MCTP2: variants seen among roughly 807,000 people sequenced by gnomAD.
MCTP2 encodes the protein multiple C2 and transmembrane domain containing 2.
In MCTP2, 132 loss-of-function variants were observed where a neutral mutation model predicts 111.6. The observed-to-expected ratio is 1.18, with a 90% CI of 1.03 to 1.37. The LOEUF is 1.37. MCTP2 is among the 40% of genes most tolerant of loss of function. The pLI is 0.00. For missense variants in MCTP2, 1,183 were observed against 1,067.9 expected (o/e 1.11, Z -1.50); for synonymous variants, 395 against 387.7 (o/e 1.02, Z -0.22).
At chr15:94,400,159 C>T (rs2081495578) in intron 16 of MCTP2, among the ~76,000 whole-genome samples, 164 bp downstream of exon 16, 1 of 152,096 alleles carries the variant, frequency 6.6e-6, no homozygotes, top group South Asian at 2.1e-4. Context: ...GTCCCCTTCT[C>T]TCCTAAAATA....
intron 1 of MCTP2, among the ~76,000 whole-genome samples, chr15:94,282,158 ACT>A (rs2152314132): frequency 1.3e-5 from 2 of 152,056 alleles, no homozygotes; most frequent in South Asian, 4.2e-4. Context: ...TTGCTTTCTA[ACT>A]CTGTGTCTTT....
At chr15:94,375,421 A>T (rs7163806) in intron 12 of MCTP2, among the ~76,000 whole-genome samples, 107,522 of 152,062 alleles carry the variant, frequency 0.71, 38,470 homozygotes, top group African/African-American at 0.81. Flanking sequence ...TATGTTATGA[A>T]GAGAAGCTAG....
rs1567807162 is a variant in MCTP2 at position 94,479,324 on chromosome 15, C to G, written c.*290C>G. 4.7e-6 allele frequency: 2 copies of G among 426,946 alleles called. No homozygotes were observed. The highest frequency in any genetic ancestry group is 8.5e-6 in the Non-Finnish European group (2 of 234,490). The allele number at this position is 426,946 out of a possible 1,614,324, so 26.4% of individuals were successfully genotyped here. ...AGGAGATAACAAGGCTGCCATGGATCTGAACACCACCTTCCTTGAGAACAG... is the reference window on the plus strand; with the variant it reads ...AGGAGATAACAAGGCTGCCATGGATGTGAACACCACCTTCCTTGAGAACAG... On this transcript the variant is annotated 3_prime_UTR_variant, in exon 23 of 23. Transcript: ENST00000357742.
chr15:94,431,104 T>C (rs988288884), intron 17 of MCTP2, among the ~76,000 whole-genome samples: 2 of 152,220 alleles, frequency 1.3e-5, no homozygotes, highest in Non-Finnish European at 2.9e-5. Flanking sequence ...TTTGTTTTTG[T>C]TTACTCTTGT....
chr15:94,243,550 T>G (rs1456271953), intron 1 of MCTP2, among the ~76,000 whole-genome samples: 1 of 149,114 alleles, frequency 6.7e-6, no homozygotes, highest in Non-Finnish European at 1.5e-5. Context: ...TGCATACGTA[T>G]GCGTATATGC....
chr15:94,405,025 G>A (rs1199783686), intron 17 of MCTP2, among the ~76,000 whole-genome samples: 1 of 152,206 alleles, frequency 6.6e-6, no homozygotes, highest in South Asian at 2.1e-4. Flanking sequence ...CAGAGGCGCT[G>A]TCTGAAGCAA....
intron 12 of MCTP2, among the ~76,000 whole-genome samples, chr15:94,374,330 T>C (rs1446726085): frequency 6.6e-6 from 1 of 152,214 alleles, no homozygotes; most frequent in Admixed American, 6.5e-5. Context: ...ATGTTACCCA[T>C]TGAGAGAGAT....
intron 1 of MCTP2, among the ~76,000 whole-genome samples, chr15:94,260,269 G>C (rs1293723193): frequency 6.6e-6 from 1 of 152,074 alleles, no homozygotes. Context: ...GCATTCAGAG[G>C]CTCTGCCATC....
chr15:94,305,726 T>C (rs2075848329), intron 2 of MCTP2, among the ~76,000 whole-genome samples: 1 of 152,140 alleles, frequency 6.6e-6, no homozygotes, highest in Non-Finnish European at 1.5e-5. Context: ...TGGAAAGCCA[T>C]AAGAAATTTA....
chr15:94,466,499 T>A (rs1226459263), intron 20 of MCTP2, among the ~76,000 whole-genome samples: 1 of 152,184 alleles, frequency 6.6e-6, no homozygotes, highest in East Asian at 1.9e-4. Flanking sequence ...TTTCTCCACT[T>A]AGCACCGAGG....
intron 12 of MCTP2, among the ~76,000 whole-genome samples, chr15:94,379,752 AATAT>A (rs951078273): frequency 6.8e-5 from 10 of 147,074 alleles, no homozygotes; most frequent in South Asian, 6.3e-4. Flanking sequence ...TATGATATAT[AATAT>A]ATATAATATA....
At chr15:94,262,808 T>A (rs1021472531) in intron 1 of MCTP2, among the ~76,000 whole-genome samples, 4 of 152,028 alleles carry the variant, frequency 2.6e-5, no homozygotes, top group Non-Finnish European at 4.4e-5. Context: ...GTAGCTGGGA[T>A]TACAGCCACC....
chr15:94,389,987 T>A (rs1346550062), intron 14 of MCTP2, among the ~76,000 whole-genome samples: 1 of 150,422 alleles, frequency 6.6e-6, no homozygotes, highest in Non-Finnish European at 1.5e-5. Flanking sequence ...GTGAATGTGC[T>A]GACTACTGAC....
chr15:94,419,573 C>T (rs560168913), intron 17 of MCTP2, among the ~76,000 whole-genome samples: 1 of 152,118 alleles, frequency 6.6e-6, no homozygotes, highest in East Asian at 1.9e-4. Context: ...TAAATAGGAC[C>T]TTGACTGGGA....
chr15:94,257,732 G>A (rs1453482815), intron 1 of MCTP2, among the ~76,000 whole-genome samples: 7 of 151,304 alleles, frequency 4.6e-5, no homozygotes, highest in Admixed American at 3.3e-4. Context: ...GATTACAGGT[G>A]TGTGCCACCA....
intron 17 of MCTP2, among the ~76,000 whole-genome samples, chr15:94,420,000 C>T (rs1596650251): frequency 6.6e-6 from 1 of 152,100 alleles, no homozygotes; most frequent in East Asian, 1.9e-4. Flanking sequence ...CAGGCTGACT[C>T]TCTTGTTAGG....
intron 1 of MCTP2, among the ~76,000 whole-genome samples, chr15:94,237,183 A>G (rs918178690): frequency 2.6e-5 from 4 of 152,182 alleles, no homozygotes; most frequent in East Asian, 1.9e-4. Context: ...CAATGTAGAG[A>G]TTTGAAAGAA....
At chr15:94,262,658 TTTC>T (rs1401202346) in intron 1 of MCTP2, among the ~76,000 whole-genome samples, 1 of 136,272 alleles carries the variant, frequency 7.3e-6, no homozygotes, top group Non-Finnish European at 1.6e-5. Context: ...CCTCTATTTC[TTTC>T]TTTTTTTTTT....
At chr15:94,289,477 TAAAC>T (rs976592134) in intron 1 of MCTP2, among the ~76,000 whole-genome samples, 2 of 152,158 alleles carry the variant, frequency 1.3e-5, no homozygotes, top group Non-Finnish European at 2.9e-5. Flanking sequence ...AAGGCCTTCT[TAAAC>T]AGATGAGAAA....
Sources: gnomAD v4.1 joint callset for allele counts (sites outside exome capture counted in the v4.1 genomes callset) on GRCh38, gnomAD v4.1.1 for gene constraint, MANE v1.5 for transcripts, NCBI Gene and HGNC (gene_info 2026-07-23, HGNC 2026-07-21) for gene names.